The following MEGF10 variants were observed in gnomAD, a reference collection of about 807,000 sequenced individuals.
MEGF10 encodes the protein multiple epidermal growth factor-like domains protein 10.
MEGF10 carries 86 observed loss-of-function variants against 147.5 expected under a neutral mutation model. The ratio of observed to expected loss-of-function variants is 0.58; its 90% CI spans 0.49 to 0.70. The LOEUF (loss-of-function observed/expected upper bound fraction) is 0.70. Ranked by LOEUF, MEGF10 falls within the 30% of genes least tolerant of loss-of-function variation. The pLI is 0.00. For synonymous variants in MEGF10, 478 were observed against 525.5 expected (o/e 0.91, Z 1.24); for missense variants, 1,329 against 1,487.3 (o/e 0.89, Z 1.75).
intron 13 of MEGF10, chr5:127,424,436 T>G (rs1033298376): frequency 9.3e-7 from 1 of 1,076,350 alleles, no homozygotes. Context: ...TTAATGGAGA[T>G]TGAATCTATA....
chr5:127,423,151 T>C (rs1383832426), intron 13 of MEGF10, among the ~76,000 whole-genome samples: 1 of 152,206 alleles, frequency 6.6e-6, no homozygotes, highest in Non-Finnish European at 1.5e-5. Context: ...AATACAGATA[T>C]TAATATGGTG....
At chr5:127,281,843 AC>A in the MEGF10 span, among the ~76,000 whole-genome samples, 1 of 151,892 alleles carries the variant, frequency 6.6e-6, no homozygotes, top group Admixed American at 6.6e-5. Flanking sequence ...TGCCCCCTCC[AC>A]CTTCAGCTCC....
intron 13 of MEGF10, among the ~76,000 whole-genome samples, chr5:127,431,578 A>G (rs373368173): frequency 4.6e-5 from 7 of 152,178 alleles, no homozygotes; most frequent in Admixed American, 1.3e-4. Flanking sequence ...CACTTCTTCA[A>G]AATCTTCGTT....
chr5:127,332,699 A>G (rs1761310607), intron 2 of MEGF10, among the ~76,000 whole-genome samples: 2 of 152,216 alleles, frequency 1.3e-5, no homozygotes, highest in South Asian at 4.1e-4. Context: ...ATTATACAGA[A>G]TTTAAGCAGA....
At chr5:127,267,536 T>C in the MEGF10 span, among the ~76,000 whole-genome samples, 2 of 152,210 alleles carry the variant, frequency 1.3e-5, no homozygotes, top group African/African-American at 4.8e-5. Flanking sequence ...AATTTAGCTG[T>C]GAATCAGTCT....
chr5:127,453,240 A>G (rs1372610411), intron 22 of MEGF10, among the ~76,000 whole-genome samples: 1 of 152,200 alleles, frequency 6.6e-6, no homozygotes, highest in South Asian at 2.1e-4. Context: ...TCAAAAGATT[A>G]GTGATGAAGT....
intron 4 of MEGF10, among the ~76,000 whole-genome samples, chr5:127,343,780 G>C (rs531393971): frequency 6.6e-6 from 1 of 151,570 alleles, no homozygotes; most frequent in Admixed American, 6.6e-5. Context: ...GGGAGACCCC[G>C]TCTCTTAAAA....
chr5:127,247,370 A>G, the MEGF10 span, among the ~76,000 whole-genome samples: 5 of 6,374 alleles, frequency 7.8e-4, no homozygotes, highest in East Asian at 5.6e-3. Flanking sequence ...AAGAAGAAGA[A>G]GAAGAAGAAG....
In MEGF10 at chr5:127,448,790, C is replaced by CT. The variant is rs199921206; in HGVS notation, c.2857-292dup. 0.021 allele frequency among the ~76,000 whole-genome samples: 2,762 copies of CT among 131,166 alleles called. 84 individuals carry two copies. The highest frequency in any genetic ancestry group is 0.066 in the African/African-American group (2,395 of 36,320). The allele number at this position is 131,166 out of a possible 152,430, so 86.0% of individuals were successfully genotyped here. ...GATGGAAGAACTTAGACCAAGAGTT[C>CT]TTTTTTTTTTTTTTTTTCCAAATCA... On this transcript the variant is annotated intron_variant, in intron 21 of 24. Coordinates refer to ENST00000503335, the MANE Select transcript of MEGF10 (RefSeq NM_001256545.2).
rs546396799 is a variant in MEGF10 at position 127,384,219 on chromosome 5, A to G, written c.413-12313A>G. Reference sequence around the variant, plus strand: ...GGCCAGTCTCTTCCAATAGATAAGGAAATCTTAGCTATGGTACATGTCTTG... The same window carrying G: ...GGCCAGTCTCTTCCAATAGATAAGGGAATCTTAGCTATGGTACATGTCTTG... On this transcript the variant is annotated intron_variant, in intron 5 of 24. Coordinates refer to ENST00000503335, the MANE Select transcript of MEGF10 (RefSeq NM_001256545.2). Among the ~76,000 whole-genome samples, 12 of 152,364 alleles carry G rather than the reference A, an allele frequency of 7.9e-5. No homozygotes were observed. In the South Asian group the frequency reaches 2.1e-3, roughly 26 times the overall value.
At chr5:127,287,611 T>A (rs6869632), upstream of MEGF10, among the ~76,000 whole-genome samples, 61,241 of 151,790 alleles carry the variant, frequency 0.4, 12,655 homozygotes, top group Middle Eastern at 0.56. Context: ...GAGAGATAAA[T>A]GTTCATAGGT....
At chr5:127,435,633 T>C (rs774470290) in intron 16 of MEGF10, 144 bp downstream of exon 16, 60 of 880,776 alleles carry the variant, frequency 6.8e-5, no homozygotes, top group Non-Finnish European at 8.9e-5. Flanking sequence ...AATTCTTTTT[T>C]TAAAATTCTT....
chr5:127,391,909 A>G (rs1016824125), intron 5 of MEGF10, among the ~76,000 whole-genome samples: 2 of 152,184 alleles, frequency 1.3e-5, no homozygotes, highest in Admixed American at 1.3e-4. Flanking sequence ...CACACCTGTA[A>G]TCCTAGAACT....
At chr5:127,402,327 A>G (rs1021069405) in intron 7 of MEGF10, among the ~76,000 whole-genome samples, 2 of 152,200 alleles carry the variant, frequency 1.3e-5, no homozygotes, top group African/African-American at 4.8e-5. Context: ...CTTTGAATGT[A>G]TCTTGAGATT....
intron 1 of MEGF10, among the ~76,000 whole-genome samples, chr5:127,303,744 T>G (rs1170962360): frequency 2.0e-5 from 3 of 152,200 alleles, no homozygotes; most frequent in African/African-American, 7.2e-5. Flanking sequence ...TGTATTAGAA[T>G]GTAGTGGGGT....
intron 4 of MEGF10, among the ~76,000 whole-genome samples, chr5:127,345,792 A>G (rs183916799): frequency 1.3e-5 from 2 of 152,294 alleles, no homozygotes; most frequent in Non-Finnish European, 2.9e-5. Flanking sequence ...TGGTGCACCC[A>G]TCAACCGAGT....
chr5:127,229,882 A>G, the MEGF10 span: 3 of 152,294 alleles, frequency 2.0e-5, no homozygotes, highest in East Asian at 5.8e-4. Flanking sequence ...CTGGACCTCG[A>G]GAAACGTGTG....
the MEGF10 span, among the ~76,000 whole-genome samples, chr5:127,272,081 G>C: frequency 6.6e-6 from 1 of 152,110 alleles, no homozygotes; most frequent in African/African-American, 2.4e-5. Flanking sequence ...AAAGTCTCAA[G>C]ATGGATATCT....
chr5:127,384,007 C>T (rs1374877401), intron 5 of MEGF10, among the ~76,000 whole-genome samples: 1 of 152,202 alleles, frequency 6.6e-6, no homozygotes, highest in Non-Finnish European at 1.5e-5. Flanking sequence ...ATTTTCACAA[C>T]AGTGGTCCTG....
Sources: allele counts gnomAD v4.1 joint callset (sites outside exome capture counted in the v4.1 genomes callset), GRCh38; gene constraint gnomAD v4.1.1; transcripts MANE v1.5; gene names NCBI Gene and HGNC (gene_info 2026-07-23, HGNC 2026-07-21).